The following GUCY2D variants were observed in gnomAD, a reference collection of about 807,000 sequenced individuals.
GUCY2D encodes guanylate cyclase 2D, retinal.
Under a neutral mutation model 101.3 loss-of-function variants are expected in GUCY2D, and 70 were observed. That is an observed-to-expected ratio of 0.69 (90% CI 0.57 to 0.84). The LOEUF is 0.84. GUCY2D is among the 40% of genes least tolerant of loss of function. GUCY2D has a pLI of 0.00. For missense variants in GUCY2D, 1,460 were observed against 1,542.5 expected, an observed-to-expected ratio of 0.95 and a Z score of 0.90; for synonymous variants, 688 against 670.7, an observed-to-expected ratio of 1.03 and a Z score of -0.40.
Position 8,009,540 on chromosome 17 carries a change from A to T in GUCY2D, c.1703A>T (p.Asp568Val), listed in dbSNP as rs1171568372. The change falls in exon 8 of 20, where the codon GAT (aspartate) becomes GTT (valine). Residue 568 changes from aspartate (D) to valine (V), a missense_variant. Asp to Val is a radical substitution (Grantham distance 152). This residue lies in a region of GUCY2D where 1,196 missense variants were observed against 1,229.6 expected (regional missense o/e 0.97). Coordinates refer to ENST00000254854, the MANE Select transcript of GUCY2D (RefSeq NM_000180.4). The part of the protein sequence containing the change: ...DRVWLKKFPG[D>V]QHIAIRPATK... ...GTTTGGCTGAAGAAATTCCCAGGGG[A>T]TCAGCACATAGCTATCCGCCCAGCA... is the stretch of plus-strand genomic sequence containing the variant. 1.2e-6 allele frequency: 2 copies of T among 1,613,696 alleles called. No individual in the cohort carries two copies. The highest frequency in any genetic ancestry group is 1.7e-6 in the Non-Finnish European group (2 of 1,179,754).
At position 8,011,996 on chromosome 17, in the gene GUCY2D, C is replaced by A; in HGVS notation, c.1750-148C>A. The A allele has an allele frequency of 1.5e-6, 1 of 664,706 alleles. No homozygotes were observed. Among genetic ancestry groups the A allele is most frequent in the Non-Finnish European group, 2.7e-6 (1 of 364,780 alleles). The allele number at this position is 664,706 out of a possible 1,614,324, so 41.2% of individuals were successfully genotyped here. On this transcript the variant is annotated intron_variant, in intron 8 of 19. Transcript: ENST00000254854. The surrounding 1 kb of genome is among the most constrained non-coding windows in gnomAD (Gnocchi z 4.3). ...AAATAGGACTATGTGTAGAAGAGAG[C>A]CCCCGTACATACCTTATCAACCATT... is the stretch of plus-strand genomic sequence containing the variant.
Position 8,015,031 on chromosome 17 carries a change from G to T in GUCY2D, c.2749G>T (p.Gly917Cys), listed in dbSNP as rs61750178. Residue 917 changes from glycine to cysteine, a missense_variant, in exon 14 of 20, where the codon GGT (glycine) becomes TGT (cysteine). Gly to Cys is a radical substitution (Grantham distance 159, BLOSUM62 -3). Transcript: ENST00000254854. ...CTACACACTCTTTGATGCCATCATT[G>T]GTTCCCACGATGTCTACAAGGTGCA... ...DLYTLFDAII[G>C]SHDVYKVETI... 11 of 1,613,836 alleles carry T rather than the reference G, an allele frequency of 6.8e-6. No individual in the cohort carries two copies. Among genetic ancestry groups the T allele is most frequent in the Non-Finnish European group, 8.5e-6 (10 of 1,179,944 alleles).
chr17:8,016,431 C>G lies in GUCY2D; in HGVS notation c.3225-12C>G, dbSNP rs999074662. The G allele has an allele frequency of 2.1e-5, 33 of 1,550,484 alleles. No individual in the cohort carries two copies. The highest frequency in any genetic ancestry group is 2.9e-5 in the Non-Finnish European group (33 of 1,145,984). On this transcript the variant is annotated splice_polypyrimidine_tract_variant and intron_variant, in intron 18 of 19. Transcript: ENST00000254854. ...ATTCCCCTTCCCTGAGGCCACCGCC[C>G]CCTCCTTGCAGGTCCAGCAACCACG...
Position 8,002,697 on chromosome 17 carries a change from T to TTATA in GUCY2D, c.-47_-46insTATA. ...AAAGGGGGACCGGCCCTGTGACCCC[T>TTATA]CACCGGGGGCCGTGGGCCCGAGCCC... On this transcript the variant is annotated 5_prime_UTR_variant, in exon 1 of 20. Transcript: ENST00000254854. This position sits in a 1 kb window ranked among gnomAD's most constrained non-coding sequence, Gnocchi z 4.9. 8.1e-6 allele frequency: 1 copy of TTATA among 122,988 alleles called. No homozygotes were observed. The highest frequency in any genetic ancestry group is 1.3e-5 in the Non-Finnish European group (1 of 78,836). 7.6% of individuals were successfully genotyped at this position (122,988 alleles called of 1,614,324 possible). A position where few individuals can be genotyped will look rare whatever the true frequency, so the allele number is the denominator to read the frequency against.
Position 8,007,253 on chromosome 17 carries a change from T to G in GUCY2D, c.1463+109T>G, listed in dbSNP as rs1402494504. ...CAGGAGTAGAGGAGGAGATTTTTCT[T>G]GGGGTGAGGGTGTTCTGGTGGGCTG... On this transcript the variant is annotated intron_variant, in intron 5 of 19. Coordinates refer to ENST00000254854, the MANE Select transcript of GUCY2D (RefSeq NM_000180.4). 6.1e-6 allele frequency: 6 copies of G among 989,768 alleles called. No homozygotes were observed. The African/African-American group carries it at 6.3e-5, about 10-fold the overall frequency. The allele number at this position is 989,768 out of a possible 1,614,324, so 61.3% of individuals were successfully genotyped here.
rs188708948 is a variant in GUCY2D at position 8,013,556 on chromosome 17, G to T, written c.2263+304G>T. 3 of 574,358 alleles carry T rather than the reference G, an allele frequency of 5.2e-6. No individual in the cohort carries two copies. The highest frequency in any genetic ancestry group is 9.3e-6 in the Non-Finnish European group (3 of 320,918). 35.6% of individuals were successfully genotyped at this position (574,358 alleles called of 1,614,324 possible). A position where few individuals can be genotyped will look rare whatever the true frequency, so the allele number is the denominator to read the frequency against. ...AGGGGTCCCTGGGAGGAGCAGGGGAGGGGGAGTGGGTGCATCCCTTCTGCA... is the reference window on the plus strand; with the variant it reads ...AGGGGTCCCTGGGAGGAGCAGGGGATGGGGAGTGGGTGCATCCCTTCTGCA... On this transcript the variant is annotated intron_variant, in intron 11 of 19. Transcript: ENST00000254854. The surrounding 1 kb of genome is among the most constrained non-coding windows in gnomAD (Gnocchi z 5.0).
At position 8,015,419 on chromosome 17, in the gene GUCY2D, T is replaced by A; in HGVS notation, c.2861T>A (p.Leu954Gln). Residue 954 changes from leucine to glutamine, a missense_variant, in exon 15 of 20, where the codon CTG (leucine) becomes CAG (glutamine). Leu to Gln is a moderately radical substitution (Grantham distance 113, BLOSUM62 -2). Transcript: ENST00000254854. ...RHAAEIANMSLDILSAVGTFR... is the reference protein window; with the variant it reads ...RHAAEIANMSQDILSAVGTFR... ...GCGGCAGAGATCGCCAACATGTCAC[T>A]GGACATCCTCAGTGCCGTGGGCACT... 6.2e-7 allele frequency: 1 copy of A among 1,613,926 alleles called. No individual in the cohort carries two copies. Among genetic ancestry groups the A allele is most frequent in the Non-Finnish European group, 8.5e-7 (1 of 1,179,976 alleles).
chr17:8,012,359 C>T lies in GUCY2D; in HGVS notation c.1956+9C>T, dbSNP rs1975869254. Reference sequence around the variant, plus strand: ...TGCTGGACCTTATCAAGGTGTGTGTCTGGGGGTGGTGGGGTGACGTCCTGG... The same window carrying T: ...TGCTGGACCTTATCAAGGTGTGTGTTTGGGGGTGGTGGGGTGACGTCCTGG... On this transcript the variant is annotated intron_variant, in intron 9 of 19. Coordinates refer to ENST00000254854, the MANE Select transcript of GUCY2D (RefSeq NM_000180.4). 1 of 1,585,538 alleles carries T rather than the reference C, an allele frequency of 6.3e-7. No individual in the cohort carries two copies. Among genetic ancestry groups the T allele is most frequent in the African/African-American group, 1.4e-5 (1 of 73,810 alleles).
intron 19 of GUCY2D, among the ~76,000 whole-genome samples, chr17:8,018,384 A>G (rs1040178804): frequency 6.6e-6 from 1 of 152,148 alleles, no homozygotes; most frequent in African/African-American, 2.4e-5. Flanking sequence ...CATTTTAACA[A>G]GTTCCTACAA....
rs1162552340 is a variant in GUCY2D, at chr17:8,004,902, G to A, written c.1026+746G>A. Reference sequence around the variant, plus strand: ...AGATTCTTCCAAGAGGATTGGAGGTGTCCAATGGAGGGGGGAGGGGTGCAG... The same window carrying A: ...AGATTCTTCCAAGAGGATTGGAGGTATCCAATGGAGGGGGGAGGGGTGCAG... On this transcript the variant is annotated intron_variant, in intron 3 of 19. Coordinates refer to ENST00000254854, the MANE Select transcript of GUCY2D (RefSeq NM_000180.4). Among the ~76,000 whole-genome samples the A allele has an allele frequency of 2.0e-5, 3 of 152,142 alleles. No homozygotes were observed. The East Asian group carries it at 5.8e-4, about 29-fold the overall frequency.
intron 19 of GUCY2D, among the ~76,000 whole-genome samples, chr17:8,017,877 A>G (rs943857176): frequency 2.6e-5 from 4 of 152,088 alleles, no homozygotes; most frequent in African/African-American, 9.7e-5. Context: ...GTGTGATTTT[A>G]GTAGAGATGG....
rs376759049 is a variant in GUCY2D at position 8,015,834 on chromosome 17, C to T, written c.3036C>T (p.Thr1012=). ...TVNTASRMES[T]GLPYRIHVNL... Reference sequence around the variant, plus strand: ...ACACCGCCTCGCGCATGGAGTCCACCGGGCTGCGTGAGTGTGACGGGGACA... The same window carrying T: ...ACACCGCCTCGCGCATGGAGTCCACTGGGCTGCGTGAGTGTGACGGGGACA... Residue 1012 remains threonine (T), a synonymous_variant, in exon 16 of 20, where the codon ACC becomes ACT. Coordinates refer to ENST00000254854, the MANE Select transcript of GUCY2D (RefSeq NM_000180.4). The T allele has an allele frequency of 1.9e-5, 31 of 1,611,264 alleles. No homozygotes were observed. The highest frequency in any genetic ancestry group is 2.5e-5 in the Non-Finnish European group (29 of 1,178,686).
chr17:8,010,758 G>A (rs545349538), intron 8 of GUCY2D, among the ~76,000 whole-genome samples: 46 of 147,072 alleles, frequency 3.1e-4, no homozygotes, highest in Non-Finnish European at 5.9e-5. Flanking sequence ...GCAGTAAGCC[G>A]AGATCGCGGC....
rs1484809146 is a variant in GUCY2D, at chr17:8,003,616, C to G, written c.569C>G (p.Pro190Arg). The change falls in exon 2 of 20, where the codon CCC (proline) becomes CGC (arginine). Residue 190 changes from proline (P) to arginine (R), a missense_variant. Around this residue, in one of 3 missense-constraint regions of GUCY2D, gnomAD observed 1,196 missense variants for 1,229.6 expected, o/e 0.97. Coordinates refer to ENST00000254854, the MANE Select transcript of GUCY2D (RefSeq NM_000180.4). ...GCGCGCGTGGCCCTGGTCACCGCCC[C>G]CCAGGACCTGTGGGTGGAGGCGGGA... ...GWARVALVTA[P>R]QDLWVEAGRS... 4 of 1,592,370 alleles carry G rather than the reference C, an allele frequency of 2.5e-6. No individual in the cohort carries two copies. Among genetic ancestry groups the G allele is most frequent in the Non-Finnish European group, 3.4e-6 (4 of 1,176,038 alleles).
In GUCY2D at chr17:8,006,392, C is replaced by T. The variant is rs763350634; in HGVS notation, c.1056C>T (p.Asp352=). The part of the protein sequence containing the change: ...QVSPLFGTIY[D]AVFLLARGVA... ...CCCCACTCTTTGGCACCATCTATGA[C>T]GCGGTCTTCTTGCTGGCAAGGGGCG... The change falls in exon 4 of 20, where the codon GAC becomes GAT. Residue 352 remains aspartate (D), a synonymous_variant. Coordinates refer to ENST00000254854, the MANE Select transcript of GUCY2D (RefSeq NM_000180.4). 7 of 1,601,076 alleles carry T rather than the reference C, an allele frequency of 4.4e-6. No individual in the cohort carries two copies. The highest frequency in any genetic ancestry group is 3.3e-5 in the South Asian group (3 of 91,086).
Position 8,013,522 on chromosome 17 carries a change from T to C in GUCY2D, c.2263+270T>C, listed in dbSNP as rs1367070494. 1.7e-6 allele frequency: 1 copy of C among 580,944 alleles called. No homozygotes were observed. The highest frequency in any genetic ancestry group is 2.9e-5 in the East Asian group (1 of 34,106). The allele number at this position is 580,944 out of a possible 1,614,324, so 36.0% of individuals were successfully genotyped here. A position where few individuals can be genotyped will look rare whatever the true frequency, so the allele number is the denominator to read the frequency against. ...CCACAACTGACAGAACAGACTCCTCTCTGTTCTCAGGGGTCCCTGGGAGGA... is the reference window on the plus strand; with the variant it reads ...CCACAACTGACAGAACAGACTCCTCCCTGTTCTCAGGGGTCCCTGGGAGGA... On this transcript the variant is annotated intron_variant, in intron 11 of 19. Coordinates refer to ENST00000254854, the MANE Select transcript of GUCY2D (RefSeq NM_000180.4). This position sits in a 1 kb window ranked among gnomAD's most constrained non-coding sequence, Gnocchi z 5.0.
chr17:8,007,212 G>A, intron 5 of GUCY2D, 68 bp downstream of exon 5: 2 of 1,253,674 alleles, frequency 1.6e-6, no homozygotes, highest in Non-Finnish European at 2.3e-6. Context: ...AGCAAAAACA[G>A]CAGGCTGGGT....
chr17:8,008,391 G>T (rs12449814), intron 7 of GUCY2D, among the ~76,000 whole-genome samples: 6,036 of 152,258 alleles, frequency 0.04, 200 homozygotes, highest in Admixed American at 0.1. Context: ...AGAGCCTCTG[G>T]CCCTGCCCCT....
intron 19 of GUCY2D, among the ~76,000 whole-genome samples, chr17:8,018,686 T>C (rs1303714257): frequency 6.6e-6 from 1 of 152,156 alleles, no homozygotes; most frequent in African/African-American, 2.4e-5. Flanking sequence ...CAGTCCCCTT[T>C]ATCCAGATGT....
Sources: allele counts gnomAD v4.1 joint callset (sites outside exome capture counted in the v4.1 genomes callset), GRCh38; gene constraint gnomAD v4.1.1; regional missense constraint gnomAD v4.1.1; non-coding constraint Gnocchi (gnomAD v3.1); transcripts MANE v1.5; gene names NCBI Gene and HGNC (gene_info 2026-07-23, HGNC 2026-07-21).